Variants in ACYP2 observed in about 807,000 individuals in gnomAD.
ACYP2 encodes acylphosphatase 2.
A neutral mutation model predicts 11.2 loss-of-function variants in ACYP2; 12 were observed. That is an observed-to-expected ratio of 1.08 (90% CI 0.69 to 1.74). The LOEUF (loss-of-function observed/expected upper bound fraction) is 1.74, where lower values mean the gene tolerates loss of function less well. Among genes scored for constraint, ACYP2 ranks in the 40% most tolerant of loss-of-function variants. The pLI is 0.00. For synonymous variants in ACYP2, 43 were observed against 32.2 expected (o/e 1.33, Z -1.13); for missense variants, 134 against 101.9 (o/e 1.31, Z -1.35).
intron 3 of ACYP2, among the ~76,000 whole-genome samples, chr2:54,056,583 C>G (rs1044826159): frequency 1.1e-4 from 17 of 152,112 alleles, no homozygotes; most frequent in Non-Finnish European, 1.5e-4. Flanking sequence ...TGATATCTTT[C>G]TTTGCATTTA....
chr2:54,055,313 G>A (rs993389823), intron 3 of ACYP2, among the ~76,000 whole-genome samples: 12 of 152,068 alleles, frequency 7.9e-5, no homozygotes, highest in African/African-American at 2.9e-4. Flanking sequence ...TGGGATTACA[G>A]GCACCCAGCC....
At chr2:54,226,064 T>C (rs1395211071) in intron 6 of ACYP2, among the ~76,000 whole-genome samples, 1 of 152,214 alleles carries the variant, frequency 6.6e-6, no homozygotes, top group Admixed American at 6.5e-5. Flanking sequence ...ATGGAAAAGT[T>C]TGTGAGAAAA....
chr2:54,190,220 CTATT>C (rs1458264559), intron 6 of ACYP2, among the ~76,000 whole-genome samples: 5 of 151,962 alleles, frequency 3.3e-5, no homozygotes, highest in African/African-American at 1.2e-4. Context: ...TGATGTAGTC[CTATT>C]TATTTATTTT....
At chr2:54,198,417 T>C (rs1684608073) in intron 6 of ACYP2, among the ~76,000 whole-genome samples, 1 of 152,168 alleles carries the variant, frequency 6.6e-6, no homozygotes, top group Non-Finnish European at 1.5e-5. Context: ...GGCTATCATA[T>C]GGTTCCCACA....
At chr2:54,064,266 A>C (rs910862182) in intron 4 of ACYP2, among the ~76,000 whole-genome samples, 1 of 152,110 alleles carries the variant, frequency 6.6e-6, no homozygotes, top group Non-Finnish European at 1.5e-5. Flanking sequence ...CTCAGCTCCC[A>C]GGTGGTTAGG....
At chr2:54,175,624 C>T (rs981076152) in intron 6 of ACYP2, among the ~76,000 whole-genome samples, 6 of 151,800 alleles carry the variant, frequency 4.0e-5, no homozygotes, top group Non-Finnish European at 7.4e-5. Context: ...TTGTGATCTC[C>T]CAAAGTGCTG....
At chr2:54,229,231 T>G (rs1686132972) in intron 6 of ACYP2, among the ~76,000 whole-genome samples, 1 of 152,218 alleles carries the variant, frequency 6.6e-6, no homozygotes, top group African/African-American at 2.4e-5. Flanking sequence ...GCAGTGACAT[T>G]AGATACCCAA....
At chr2:54,047,720 G>T (rs1443405748) in intron 2 of ACYP2, among the ~76,000 whole-genome samples, 1 of 152,184 alleles carries the variant, frequency 6.6e-6, no homozygotes, top group African/African-American at 2.4e-5. Flanking sequence ...GTCAGTACTT[G>T]TTCTTTCAAA....
At chr2:54,017,906 T>A (rs1400567920) in intron 2 of ACYP2, among the ~76,000 whole-genome samples, 1 of 152,044 alleles carries the variant, frequency 6.6e-6, no homozygotes, top group Non-Finnish European at 1.5e-5. Flanking sequence ...CACTTTGTTG[T>A]CTTGGATGGT....
At chr2:54,269,599 G>C (rs1399649427) in intron 6 of ACYP2, among the ~76,000 whole-genome samples, 1 of 152,134 alleles carries the variant, frequency 6.6e-6, no homozygotes, top group African/African-American at 2.4e-5. Flanking sequence ...CTCTGTAAAA[G>C]TTCTGGCATG....
At chr2:54,076,003 T>C (rs1394749667) in intron 4 of ACYP2, among the ~76,000 whole-genome samples, 2 of 152,184 alleles carry the variant, frequency 1.3e-5, no homozygotes, top group African/African-American at 4.8e-5. Context: ...AAAAAGTGTT[T>C]TGATTTTAGA....
At chr2:54,191,329 C>T (rs993672215) in intron 6 of ACYP2, among the ~76,000 whole-genome samples, 4 of 152,228 alleles carry the variant, frequency 2.6e-5, no homozygotes, top group Admixed American at 6.5e-5. Flanking sequence ...TCCCTGTACT[C>T]CAGCCATGCT....
At chr2:54,182,111 G>A (rs973388443) in intron 6 of ACYP2, among the ~76,000 whole-genome samples, 1 of 139,416 alleles carries the variant, frequency 7.2e-6, no homozygotes, top group African/African-American at 2.7e-5. Context: ...CCAGGCTGGA[G>A]TATGGTGGCA....
chr2:54,271,159 A>C (rs538924959), intron 6 of ACYP2, among the ~76,000 whole-genome samples: 1 of 152,316 alleles, frequency 6.6e-6, no homozygotes, highest in South Asian at 2.1e-4. Context: ...AAGGATGATA[A>C]TAGTCCCTCC....
chr2:54,299,053 A>G (rs934165580), intron 6 of ACYP2, among the ~76,000 whole-genome samples: 5 of 152,036 alleles, frequency 3.3e-5, no homozygotes, highest in African/African-American at 4.8e-5. Context: ...GCACCCAGCC[A>G]GAGTTTCACT....
intron 6 of ACYP2, among the ~76,000 whole-genome samples, chr2:54,205,861 C>T (rs926706405): frequency 6.6e-6 from 1 of 152,138 alleles, no homozygotes; most frequent in African/African-American, 2.4e-5. Flanking sequence ...TAATGTGATA[C>T]AAGCTTTGGT....
chr2:54,275,390 A>G (rs1292176728), intron 6 of ACYP2, among the ~76,000 whole-genome samples: 2 of 152,198 alleles, frequency 1.3e-5, no homozygotes, highest in Non-Finnish European at 2.9e-5. Flanking sequence ...GCTACTGACT[A>G]TTTGAAATTG....
At chr2:54,273,794 C>G (rs1688423183) in intron 6 of ACYP2, among the ~76,000 whole-genome samples, 1 of 152,156 alleles carries the variant, frequency 6.6e-6, no homozygotes, top group Non-Finnish European at 1.5e-5. Context: ...CTGAATAATT[C>G]TGAACAGATA....
intron 6 of ACYP2, among the ~76,000 whole-genome samples, chr2:54,290,908 A>G (rs1328303440): frequency 6.6e-6 from 1 of 152,200 alleles, no homozygotes; most frequent in East Asian, 1.9e-4. Context: ...ATTGGAAGGC[A>G]TTGAATTCAA....
Sources: gnomAD v4.1 joint callset for allele counts (sites outside exome capture counted in the v4.1 genomes callset) on GRCh38, gnomAD v4.1.1 for gene constraint, MANE v1.5 for transcripts, NCBI Gene and HGNC (gene_info 2026-07-23, HGNC 2026-07-21) for gene names.